Variants in CKM observed in about 807,000 individuals in gnomAD.
The protein encoded by CKM is creatine kinase, M-type, also known as creatine kinase M-type.
CKM carries 28 observed loss-of-function variants against 35.4 expected under a neutral mutation model. The ratio of observed to expected loss-of-function variants is 0.79; its 90% confidence interval spans 0.59 to 1.08. The LOEUF (loss-of-function observed/expected upper bound fraction) is 1.08, where lower values mean the gene tolerates loss of function less well. Ranked by LOEUF, CKM falls within the 50% of genes least tolerant of loss-of-function variation. CKM has a pLI of 0.00. For synonymous variants in CKM, 215 were observed against 204.4 expected, an observed-to-expected ratio of 1.05 and a Z score of -0.44; for missense variants, 484 against 509.8, an observed-to-expected ratio of 0.95 and a Z score of 0.49.
In CKM at chr19:45,319,569, A is replaced by G. The variant is rs1409763934; in HGVS notation, c.145T>C (p.Ser49Pro). 6.2e-7 allele frequency: 1 copy of G among 1,614,110 alleles called. No individual in the cohort carries two copies. The highest frequency in any genetic ancestry group is 1.7e-4 in the Middle Eastern group (1 of 6,060). The change falls in exon 2 of 8, where the codon TCT becomes CCT. Residue 49 changes from serine (S) to proline (P), a missense_variant. Coordinates refer to ENST00000221476, the MANE Select transcript of CKM (RefSeq NM_001824.5). The part of the protein sequence containing the change: ...YKKLRDKETP[S>P]GFTVDDVIQT... ...ATGACATCGTCTACAGTGAAGCCAG[A>G]TGGAGTCTCCTTGTCCCGCAGCTTC...
intron 4 of CKM, among the ~76,000 whole-genome samples, chr19:45,312,508 C>T (rs1361625998): frequency 6.6e-6 from 1 of 151,938 alleles, no homozygotes; most frequent in Non-Finnish European, 1.5e-5. Flanking sequence ...CTGCCACCTC[C>T]GTCTCCCGGG....
intron 3 of CKM, among the ~76,000 whole-genome samples, chr19:45,317,534 G>A (rs1417384220): frequency 2.6e-5 from 4 of 151,068 alleles, no homozygotes; most frequent in South Asian, 2.1e-4. Flanking sequence ...TGATCTGCCC[G>A]CCTTGGCCTC....
At position 45,317,763 on chromosome 19, in the gene CKM, A is replaced by G; in HGVS notation, c.348+62T>C. 1.9e-6 allele frequency: 3 copies of G among 1,563,498 alleles called. No individual in the cohort carries two copies. The South Asian group carries it at 3.4e-5, about 17-fold the overall frequency. On this transcript the variant is annotated intron_variant, in intron 3 of 7. Transcript: ENST00000221476. ...TCTCTGTATTTCTCTGTCTCCCCCC[A>G]TTTCTCCTGTGATCTCTCTCCTCCT...
intron 5 of CKM, 59 bp downstream of exon 5, chr19:45,311,690 G>T: frequency 6.9e-7 from 1 of 1,441,416 alleles, no homozygotes; most frequent in South Asian, 1.3e-5. Flanking sequence ...GAGGAGGGCC[G>T]TTGCAGGACT....
chr19:45,316,184 G>C (rs1226243118), intron 3 of CKM, among the ~76,000 whole-genome samples: 1 of 151,892 alleles, frequency 6.6e-6, no homozygotes, highest in Non-Finnish European at 1.5e-5. Context: ...ACAAAAATTA[G>C]CTGGGCGTGG....
intron 6 of CKM, 102 bp from the exon 7 acceptor site, chr19:45,307,752 G>A: frequency 1.1e-6 from 1 of 938,126 alleles, no homozygotes; most frequent in Non-Finnish European, 1.7e-6. Flanking sequence ...GGAACGTGGT[G>A]GAGGTGGGAT....
intron 4 of CKM, among the ~76,000 whole-genome samples, chr19:45,315,217 C>T (rs982586539): frequency 5.3e-5 from 8 of 152,310 alleles, no homozygotes; most frequent in Non-Finnish European, 8.8e-5. Context: ...GAACGGATGG[C>T]AGGACGCTGG....
In CKM at chr19:45,315,514, T is replaced by TGGG. The variant is rs1235873998; in HGVS notation, c.429_431dup (p.Pro144dup). 1.2e-6 allele frequency: 2 copies of TGGG among 1,600,946 alleles called. No homozygotes were observed. Among genetic ancestry groups the TGGG allele is most frequent in the South Asian group, 2.2e-5 (2 of 91,070 alleles). ...CCCGGCGCTCGCCACGGGAGCAGTG[T>TGGG]GGGGGCAACGTGTAGCCCTTGATGC... On this transcript the variant is annotated inframe_insertion, in exon 4 of 8. Coordinates refer to ENST00000221476, the MANE Select transcript of CKM (RefSeq NM_001824.5).
chr19:45,319,192 G>A (rs1971187518), intron 2 of CKM, among the ~76,000 whole-genome samples: 1 of 152,104 alleles, frequency 6.6e-6, no homozygotes, highest in Non-Finnish European at 1.5e-5. Context: ...TTGGTGCCAG[G>A]TGCCACTCTA....
In CKM at chr19:45,306,776, C is replaced by T. The variant is rs1287263315; in HGVS notation, c.1120G>A (p.Asp374Asn). ...TACTTCTGGGCGGGGATCATGTCGT[C>T]AATGGACTGGCCTTTCTCCAACTTC... ...EKKLEKGQSI[D>N]DMIPAQK Residue 374 changes from aspartate (D) to asparagine (N), a missense_variant, in exon 8 of 8, where the codon GAC becomes AAC. Physicochemically the swap from Asp to Asn is conservative, Grantham distance 23. Transcript: ENST00000221476. The surrounding 1 kb of genome is among the most constrained non-coding windows in gnomAD (Gnocchi z 4.5). The T allele has an allele frequency of 1.9e-6, 3 of 1,614,016 alleles. No homozygotes were observed. Among genetic ancestry groups the T allele is most frequent in the East Asian group, 4.5e-5 (2 of 44,884 alleles).
At chr19:45,308,747 T>C (rs1971079713) in intron 5 of CKM, among the ~76,000 whole-genome samples, 1 of 152,188 alleles carries the variant, frequency 6.6e-6, no homozygotes, top group African/African-American at 2.4e-5. Flanking sequence ...CAAGGACTTT[T>C]AGGGACTTAA....
chr19:45,307,774 C>T (rs966339713), intron 6 of CKM, 124 bp from the exon 7 acceptor site: 1 of 750,364 alleles, frequency 1.3e-6, no homozygotes, highest in Non-Finnish European at 2.2e-6. Context: ...CTGAGGGGAA[C>T]AGGGAGGTAG....
chr19:45,306,610 G>A lies in CKM; in HGVS notation c.*140C>T, dbSNP rs1015742453. ...TTGGTTGGAACTCTGGTTGAAACTG[G>A]AACTCTGAGAAGGGTGGAGAGAGCC... On this transcript the variant is annotated 3_prime_UTR_variant, in exon 8 of 8. Coordinates refer to ENST00000221476, the MANE Select transcript of CKM (RefSeq NM_001824.5). The surrounding 1 kb of genome is among the most constrained non-coding windows in gnomAD (Gnocchi z 4.5). 2.4e-6 allele frequency: 2 copies of A among 829,982 alleles called. No homozygotes were observed. The highest frequency in any genetic ancestry group is 3.4e-5 in the African/African-American group (2 of 59,506). The allele number at this position is 829,982 out of a possible 1,614,324, so 51.4% of individuals were successfully genotyped here. A position where few individuals can be genotyped will look rare whatever the true frequency, so the allele number is the denominator to read the frequency against.
intron 5 of CKM, among the ~76,000 whole-genome samples, chr19:45,308,955 C>A (rs1347528027): frequency 6.6e-6 from 1 of 151,912 alleles, no homozygotes; most frequent in Non-Finnish European, 1.5e-5. Flanking sequence ...AGGCTGGGTG[C>A]GGTGGCTCAC....
At chr19:45,317,099 CCT>C (rs936607397) in intron 3 of CKM, among the ~76,000 whole-genome samples, 8 of 151,270 alleles carry the variant, frequency 5.3e-5, no homozygotes, top group African/African-American at 1.9e-4. Context: ...TCTCTCTGTC[CCT>C]CTCTCTTTCC....
In CKM at chr19:45,311,904, C is replaced by A. The variant is rs761680071; in HGVS notation, c.498G>T (p.Thr166=). The A allele has an allele frequency of 1.2e-6, 2 of 1,613,902 alleles. No homozygotes were observed. Among genetic ancestry groups the A allele is most frequent in the Admixed American group, 1.7e-5 (1 of 59,994 alleles). The change falls in exon 5 of 8, where the codon ACG becomes ACT. Residue 166 remains threonine, a synonymous_variant. Coordinates refer to ENST00000221476, the MANE Select transcript of CKM (RefSeq NM_001824.5). ...KLSVEALNSL[T]GEFKGKYYPL... is the part of the protein sequence containing the mutation. ...GGTAGTACTTCCCTTTGAACTCGCC[C>A]GTCAGGCTGTTGAGAGCTATGGGGA...
At chr19:45,307,403 C>T in intron 7 of CKM, 58 bp downstream of exon 7, 2 of 1,536,482 alleles carry the variant, frequency 1.3e-6, no homozygotes, top group Non-Finnish European at 1.8e-6. Context: ...CTCCTTGCAT[C>T]CCTGCAAAGG....
intron 3 of CKM, among the ~76,000 whole-genome samples, chr19:45,317,595 T>A (rs1196393606): frequency 6.6e-6 from 1 of 152,044 alleles, no homozygotes; most frequent in Non-Finnish European, 1.5e-5. Flanking sequence ...CAGCCCTTTT[T>A]TTTTTTTTTA....
At chr19:45,307,995 C>T (rs1971070773) in intron 6 of CKM, among the ~76,000 whole-genome samples, 1 of 151,776 alleles carries the variant, frequency 6.6e-6, no homozygotes, top group Non-Finnish European at 1.5e-5. Context: ...TCCCGAGTAG[C>T]TGGGACTACA....
Sources: allele counts gnomAD v4.1 joint callset (sites outside exome capture counted in the v4.1 genomes callset), GRCh38; gene constraint gnomAD v4.1.1; non-coding constraint Gnocchi (gnomAD v3.1); transcripts MANE v1.5; gene names NCBI Gene and HGNC (gene_info 2026-07-23, HGNC 2026-07-21).